The following POLR3G variants were observed in gnomAD, a reference collection of about 807,000 sequenced individuals.
POLR3G encodes RNA polymerase III subunit G.
POLR3G carries 28 observed loss-of-function variants against 30.1 expected under a neutral mutation model. The observed-to-expected ratio is 0.93, with a 90% CI of 0.69 to 1.27. The LOEUF is 1.27. Ranked by LOEUF, POLR3G falls within the 50% of genes most tolerant of loss-of-function variation. POLR3G has a pLI of 0.00. For synonymous variants in POLR3G, 79 were observed against 82.5 expected, an observed-to-expected ratio of 0.96 and a Z score of 0.23; for missense variants, 254 against 264.6, an observed-to-expected ratio of 0.96 and a Z score of 0.28.
At chr5:90,479,490 C>T (rs183933136) in intron 1 of POLR3G, among the ~76,000 whole-genome samples, 1 of 152,128 alleles carries the variant, frequency 6.6e-6, no homozygotes, top group East Asian at 1.9e-4. Context: ...AACAAACAAA[C>T]AACAAACGAA....
At chr5:90,476,317 G>A (rs1393065032) in intron 1 of POLR3G, among the ~76,000 whole-genome samples, 1 of 152,176 alleles carries the variant, frequency 6.6e-6, no homozygotes, top group Non-Finnish European at 1.5e-5. Context: ...CATGAACAGA[G>A]TTGTGTAAAA....
chr5:90,490,639 C>T, intron 3 of POLR3G: 1 of 393,142 alleles, frequency 2.5e-6, no homozygotes, highest in Admixed American at 2.8e-5. Flanking sequence ...ACATTCCTGG[C>T]TTCAAGTGAT....
intron 3 of POLR3G, among the ~76,000 whole-genome samples, chr5:90,489,544 G>A (rs975594794): frequency 4.6e-5 from 7 of 152,068 alleles, no homozygotes; most frequent in Admixed American, 3.3e-4. Context: ...ATTACAGACA[G>A]ACGTGAGCCA....
chr5:90,479,959 A>C (rs1191974985), intron 1 of POLR3G, among the ~76,000 whole-genome samples: 1 of 152,204 alleles, frequency 6.6e-6, no homozygotes. Context: ...GGATACCACA[A>C]AGTTTGCAGT....
intron 3 of POLR3G, chr5:90,490,727 T>C (rs1044983131): frequency 4.4e-5 from 14 of 320,276 alleles, no homozygotes; most frequent in African/African-American, 2.0e-4. Context: ...TTTCCTGATA[T>C]AGTGTTTAAA....
intron 3 of POLR3G, among the ~76,000 whole-genome samples, chr5:90,489,547 G>A (rs780761029): frequency 2.0e-5 from 3 of 152,050 alleles, no homozygotes; most frequent in Non-Finnish European, 4.4e-5. Context: ...ACAGACAGAC[G>A]TGAGCCACCA....
chr5:90,498,829 A>C (rs1308705251), intron 5 of POLR3G, among the ~76,000 whole-genome samples: 1 of 152,216 alleles, frequency 6.6e-6, no homozygotes, highest in African/African-American at 2.4e-5. Context: ...GACAGGAATA[A>C]AACTGAGCAA....
chr5:90,482,648 G>A (rs1751200481), intron 1 of POLR3G, among the ~76,000 whole-genome samples: 2 of 152,164 alleles, frequency 1.3e-5, no homozygotes, highest in African/African-American at 2.4e-5. Context: ...CAGTGCTTGA[G>A]ATATTTTGCA....
intron 1 of POLR3G, among the ~76,000 whole-genome samples, chr5:90,475,923 C>T (rs1465793794): frequency 1.3e-5 from 2 of 152,076 alleles, no homozygotes; most frequent in African/African-American, 4.8e-5. Context: ...GTTGGCCAGG[C>T]TGGTCTTGAA....
intron 7 of POLR3G, among the ~76,000 whole-genome samples, chr5:90,509,420 A>C: frequency 6.6e-6 from 1 of 152,226 alleles, no homozygotes; most frequent in East Asian, 1.9e-4. Flanking sequence ...GGCAATGGGA[A>C]TATGAAGATA....
At chr5:90,511,915 A>G (rs6897490) in intron 7 of POLR3G, 138 bp from the exon 8 acceptor site, 36,495 of 615,054 alleles carry the variant, frequency 0.059, 1,546 homozygotes, top group South Asian at 0.14. Flanking sequence ...GTCTTAAGGA[A>G]GAAAGCGGCA....
upstream of POLR3G, chr5:90,474,243 A>T: frequency 6.2e-7 from 1 of 1,613,646 alleles, no homozygotes; most frequent in Non-Finnish European, 8.5e-7. Flanking sequence ...TTGAATCCAG[A>T]AGATACCATC....
chr5:90,496,583 C>T (rs1473848520), intron 4 of POLR3G, among the ~76,000 whole-genome samples: 1 of 152,214 alleles, frequency 6.6e-6, no homozygotes, highest in African/African-American at 2.4e-5. Context: ...AAGGAGATCT[C>T]ATCCCACTCA....
At chr5:90,474,421 C>T, upstream of POLR3G, 2 of 835,684 alleles carry the variant, frequency 2.4e-6, no homozygotes, top group South Asian at 1.6e-5. Flanking sequence ...TAGAGCGAGG[C>T]GGGGGCGTGG....
chr5:90,494,031 C>A (rs148537403), intron 3 of POLR3G, among the ~76,000 whole-genome samples: 1 of 152,096 alleles, frequency 6.6e-6, no homozygotes, highest in Non-Finnish European at 1.5e-5. Flanking sequence ...TTTTTAGATG[C>A]TTTTCATCAT....
intron 1 of POLR3G, among the ~76,000 whole-genome samples, chr5:90,485,038 G>A (rs979683717): frequency 1.3e-5 from 2 of 151,624 alleles, no homozygotes; most frequent in East Asian, 1.9e-4. Context: ...GGCATCTTTC[G>A]AGTCTCATTG....
intron 1 of POLR3G, among the ~76,000 whole-genome samples, chr5:90,484,276 A>G (rs1440880687): frequency 2.0e-5 from 3 of 152,056 alleles, no homozygotes; most frequent in Non-Finnish European, 2.9e-5. Flanking sequence ...CCAAGTTCTG[A>G]GTGATGCTGC....
intron 3 of POLR3G, among the ~76,000 whole-genome samples, chr5:90,494,490 C>T (rs1751887321): frequency 1.3e-5 from 2 of 152,096 alleles, no homozygotes; most frequent in South Asian, 4.1e-4. Context: ...AAGTGGCCAC[C>T]CGATTTTACA....
intron 3 of POLR3G, chr5:90,490,519 C>T (rs1036200482): frequency 3.2e-6 from 1 of 314,540 alleles, no homozygotes; most frequent in Non-Finnish European, 6.2e-6. Flanking sequence ...CCACCTCAGC[C>T]TCTTGAGTAG....
Sources: allele counts gnomAD v4.1 joint callset (sites outside exome capture counted in the v4.1 genomes callset), GRCh38; gene constraint gnomAD v4.1.1; transcripts MANE v1.5; gene names NCBI Gene and HGNC (gene_info 2026-07-23, HGNC 2026-07-21).